The following SMC3 variants were observed in gnomAD, a reference collection of about 807,000 sequenced individuals.
SMC3 encodes the protein structural maintenance of chromosomes protein 3.
In SMC3, 20 loss-of-function variants were observed where a neutral mutation model predicts 171.8. That is an observed-to-expected ratio of 0.12 (90% CI 0.08 to 0.17). The LOEUF (loss-of-function observed/expected upper bound fraction) is 0.17, where lower values mean the gene tolerates loss of function less well. SMC3 is among the 10% of genes least tolerant of loss of function. The probability of loss-of-function intolerance (pLI) is 1.00; values close to 1 mark genes in which losing one functional copy is unlikely to be tolerated. For missense variants in SMC3, 543 were observed against 1,420.4 expected (o/e 0.38, Z 9.93); for synonymous variants, 464 against 451.1 (o/e 1.03, Z -0.36).
In SMC3 at chr10:110,604,201, A is replaced by C. The variant is rs776891696; in HGVS notation, c.3583-30A>C. The C allele has an allele frequency of 2.5e-5, 36 of 1,464,414 alleles. No homozygotes were observed. In the East Asian group the frequency reaches 8.0e-4, roughly 32 times the overall value. 90.7% of individuals were successfully genotyped at this position (1,464,414 alleles called of 1,614,324 possible). A position where few individuals can be genotyped will look rare whatever the true frequency, so the allele number is the denominator to read the frequency against. ...CAATGTAAACACTGATGTAATTAAC[A>C]GATTTTTGTTTTTAACATTTATTCT... On this transcript the variant is annotated intron_variant, in intron 28 of 28. Coordinates refer to ENST00000361804, the MANE Select transcript of SMC3 (RefSeq NM_005445.4).
chr10:110,571,000 G>C (rs1860862373), intron 2 of SMC3, among the ~76,000 whole-genome samples: 1 of 152,172 alleles, frequency 6.6e-6, no homozygotes, highest in Admixed American at 6.5e-5. Flanking sequence ...AATATCTCTT[G>C]TACTGATGTT....
Position 110,593,150 on chromosome 10 carries a change from T to A in SMC3, c.1890T>A (p.Thr630=), listed in dbSNP as rs79046607. The part of the protein sequence containing the change: ...DKAFKHVFGK[T]LICRSMEVST... ...CTTTCAAACATGTGTTTGGAAAGACTCTTATTTGTCGTAGCATGGAAGTTT... is the reference window on the plus strand; with the variant it reads ...CTTTCAAACATGTGTTTGGAAAGACACTTATTTGTCGTAGCATGGAAGTTT... Residue 630 remains threonine (T), a synonymous_variant, in exon 18 of 29, where the codon ACT becomes ACA. Transcript: ENST00000361804. 165 of 1,614,092 alleles carry A rather than the reference T, an allele frequency of 1.0e-4. No individual in the cohort carries two copies. The East Asian group carries it at 3.6e-3, about 36-fold the overall frequency.
intron 7 of SMC3, among the ~76,000 whole-genome samples, chr10:110,579,198 A>G (rs1053211481): frequency 3.3e-5 from 5 of 152,092 alleles, no homozygotes; most frequent in Non-Finnish European, 7.4e-5. Flanking sequence ...CTCTCTTCTC[A>G]TATACTTTCA....
Position 110,602,552 on chromosome 10 carries a change from G to A in SMC3, c.3184G>A (p.Val1062Met). The change falls in exon 26 of 29, where the codon GTG becomes ATG. Residue 1062 changes from valine (V) to methionine (M), a missense_variant. Val to Met is a conservative substitution (Grantham distance 21). Coordinates refer to ENST00000361804, the MANE Select transcript of SMC3 (RefSeq NM_005445.4). ...TACTTTGGTGATGAAGAAAGGAGAT[G>A]TGGAGGGCAGTCAGTCTCAAGATGA... is the stretch of plus-strand genomic sequence containing the variant. The part of the protein sequence containing the change: ...KATLVMKKGD[V>M]EGSQSQDEGE... 3 of 1,613,484 alleles carry A rather than the reference G, an allele frequency of 1.9e-6. No homozygotes were observed. The highest frequency in any genetic ancestry group is 1.3e-5 in the African/African-American group (1 of 75,034).
chr10:110,583,738 C>A, intron 11 of SMC3, 103 bp from the exon 12 acceptor site: 2 of 1,311,982 alleles, frequency 1.5e-6, no homozygotes, highest in Non-Finnish European at 2.2e-6. Flanking sequence ...TTTCATGTTA[C>A]AGGTGGGTTT....
chr10:110,589,780 T>C (rs1180321925), intron 14 of SMC3, 72 bp downstream of exon 14: 4 of 1,434,646 alleles, frequency 2.8e-6, no homozygotes, highest in Non-Finnish European at 2.9e-6. Context: ...GGTCTTTAAG[T>C]TACAAGTTAA....
chr10:110,583,827 T>G lies in SMC3; in HGVS notation c.970-14T>G. On this transcript the variant is annotated splice_polypyrimidine_tract_variant and intron_variant, in intron 11 of 28. Coordinates refer to ENST00000361804, the MANE Select transcript of SMC3 (RefSeq NM_005445.4). ...AAAAATTTAAAGCAGTTTGCATTTT[T>G]ACTTTGTTTACAGAAACGTTTATTA... 1 of 1,611,482 alleles carries G rather than the reference T, an allele frequency of 6.2e-7. No individual in the cohort carries two copies. The highest frequency in any genetic ancestry group is 8.5e-7 in the Non-Finnish European group (1 of 1,179,282).
At chr10:110,586,589 T>C (rs1390963847) in intron 13 of SMC3, among the ~76,000 whole-genome samples, 4 of 152,324 alleles carry the variant, frequency 2.6e-5, no homozygotes, top group South Asian at 2.1e-4. Context: ...CTTTTGGTTA[T>C]CAGAATGACC....
intron 27 of SMC3, 59 bp from the exon 28 acceptor site, chr10:110,603,125 T>G (rs554041349): frequency 6.5e-7 from 1 of 1,541,992 alleles, no homozygotes; most frequent in East Asian, 2.3e-5. Context: ...GATAGTTGCT[T>G]TTTAAATTTT....
intron 28 of SMC3, 50 bp downstream of exon 28, chr10:110,603,340 T>C (rs1457061236): frequency 8.8e-7 from 1 of 1,137,890 alleles, no homozygotes; most frequent in Non-Finnish European, 1.3e-6. Context: ...CAATTATATT[T>C]GTTGAATTCT....
At position 110,600,557 on chromosome 10, in the gene SMC3, G is replaced by GTTTTT. The variant is rs397847637; in HGVS notation, c.2535+24_2535+28dup. On this transcript the variant is annotated intron_variant, in intron 22 of 28. Transcript: ENST00000361804. ...GACCAAGTAGAACAGGTGTGTATGTGTTTTTTTTTTTTTTTTTAAGGGCTC... is the reference window on the plus strand; with the variant it reads ...GACCAAGTAGAACAGGTGTGTATGTGTTTTTTTTTTTTTTTTTTTTTTAAGGGCTC... The GTTTTT allele has an allele frequency of 8.2e-6, 8 of 977,196 alleles. No homozygotes were observed. Among genetic ancestry groups the GTTTTT allele is most frequent in the South Asian group, 2.7e-5 (2 of 73,196 alleles). 60.5% of individuals were successfully genotyped at this position (977,196 alleles called of 1,614,324 possible).
At chr10:110,585,867 G>A (rs191174008) in intron 13 of SMC3, among the ~76,000 whole-genome samples, 2,503 of 151,804 alleles carry the variant, frequency 0.016, 20 homozygotes, top group Non-Finnish European at 0.025. Context: ...GCGCGATCTC[G>A]GCTCACTGCA....
At chr10:110,568,794 TCAC>T (rs1307685764) in intron 1 of SMC3, 141 bp from the exon 2 acceptor site, 6 of 625,396 alleles carry the variant, frequency 9.6e-6, no homozygotes, top group Admixed American at 5.7e-5. Context: ...AGATTTTTAA[TCAC>T]CACTTTCCAA....
intron 2 of SMC3, among the ~76,000 whole-genome samples, chr10:110,572,681 A>G (rs1337207910): frequency 1.3e-5 from 2 of 152,122 alleles, no homozygotes; most frequent in Non-Finnish European, 2.9e-5. Flanking sequence ...TGGACCATGT[A>G]AATCTTGTGC....
Position 110,596,505 on chromosome 10 carries a change from G to A in SMC3, c.2071G>A (p.Glu691Lys), listed in dbSNP as rs758069548. ...TAGAAAAGCAGAAGAAGAACTAGGT[G>A]AACTTGAAGCAAAGCTCAATGAAAA... Reference protein sequence around the residue: ...DVRKAEEELGELEAKLNENLR... With the variant: ...DVRKAEEELGKLEAKLNENLR... The change falls in exon 19 of 29, where the codon GAA (glutamate) becomes AAA (lysine). Residue 691 changes from glutamate to lysine, a missense_variant. Physicochemically the swap from Glu to Lys is moderately conservative, Grantham distance 56. Transcript: ENST00000361804. 26 of 1,614,042 alleles carry A rather than the reference G, an allele frequency of 1.6e-5. No homozygotes were observed. The highest frequency in any genetic ancestry group is 2.2e-5 in the Non-Finnish European group (26 of 1,179,988).
chr10:110,599,905 G>T (rs1250894761), intron 21 of SMC3, 93 bp downstream of exon 21: 19 of 1,172,272 alleles, frequency 1.6e-5, no homozygotes, highest in South Asian at 1.1e-4. Flanking sequence ...TGAAAGAAAA[G>T]AACTGAGAAA....
At chr10:110,584,591 C>G (rs1211082641) in intron 13 of SMC3, among the ~76,000 whole-genome samples, 195 bp downstream of exon 13, 7 of 151,960 alleles carry the variant, frequency 4.6e-5, no homozygotes, top group African/African-American at 1.7e-4. Context: ...TGTCATTGAG[C>G]CTTTATGTAG....
At chr10:110,584,027 G>A (rs1052872817) in intron 12 of SMC3, 65 bp downstream of exon 12, 2 of 1,588,364 alleles carry the variant, frequency 1.3e-6, no homozygotes, top group Non-Finnish European at 1.7e-6. Context: ...GGTTGTCCGA[G>A]GAGCTCAATT....
intron 8 of SMC3, among the ~76,000 whole-genome samples, chr10:110,581,674 T>C (rs1383952592): frequency 6.6e-6 from 1 of 152,196 alleles, no homozygotes; most frequent in African/African-American, 2.4e-5. Flanking sequence ...AATCCTAAGC[T>C]TGTGGATGTT....
Sources: gnomAD v4.1 joint callset for allele counts (sites outside exome capture counted in the v4.1 genomes callset) on GRCh38, gnomAD v4.1.1 for gene constraint, MANE v1.5 for transcripts, NCBI Gene and HGNC (gene_info 2026-07-23, HGNC 2026-07-21) for gene names.